Variants in NEURL1B observed in about 807,000 individuals in gnomAD.
NEURL1B encodes the protein neuralized E3 ubiquitin protein ligase 1B, also known as E3 ubiquitin-protein ligase NEURL1B.
In NEURL1B, 13 loss-of-function variants were observed where a neutral mutation model predicts 37.4. That is an observed-to-expected ratio of 0.35 (90% CI 0.23 to 0.55). The LOEUF (loss-of-function observed/expected upper bound fraction) is 0.55. NEURL1B is among the 20% of genes least tolerant of loss of function. The pLI is 0.89. For synonymous variants in NEURL1B, 432 were observed against 426.6 expected, an observed-to-expected ratio of 1.01 and a Z score of -0.16; for missense variants, 790 against 879.2, an observed-to-expected ratio of 0.90 and a Z score of 1.28.
chr5:172,641,550 C>A lies in NEURL1B; in HGVS notation c.31+113C>A, dbSNP rs113111778. On this transcript the variant is annotated intron_variant, in intron 1 of 4. Transcript: ENST00000369800. This position sits in a 1 kb window ranked among gnomAD's most constrained non-coding sequence, Gnocchi z 6.4. Reference sequence around the variant, plus strand: ...GGCCCTTGGAGCCCTCGGCTCGCAGCGGGCTGGAGTCTCCGGTACCTCCCG... The same window carrying A: ...GGCCCTTGGAGCCCTCGGCTCGCAGAGGGCTGGAGTCTCCGGTACCTCCCG... 1.1e-4 allele frequency: 104 copies of A among 933,864 alleles called. No homozygotes were observed. The highest frequency in any genetic ancestry group is 3.8e-4 in the Middle Eastern group (1 of 2,658). The allele number at this position is 933,864 out of a possible 1,614,324, so 57.8% of individuals were successfully genotyped here.
In NEURL1B at chr5:172,688,242, G is replaced by A. The variant is rs1476508689; in HGVS notation, c.*1317G>A. On this transcript the variant is annotated 3_prime_UTR_variant, in exon 5 of 5. Transcript: ENST00000369800. This position sits in a 1 kb window ranked among gnomAD's most constrained non-coding sequence, Gnocchi z 4.3. ...CTGGGCTCCACCTCTGCCCTCTTCTGTGCTGTCCCATTAGGGAAGTCCCTT... is the reference window on the plus strand; with the variant it reads ...CTGGGCTCCACCTCTGCCCTCTTCTATGCTGTCCCATTAGGGAAGTCCCTT... 6.5e-6 allele frequency: 1 copy of A among 152,942 alleles called. No individual in the cohort carries two copies. Among genetic ancestry groups the A allele is most frequent in the Non-Finnish European group, 1.5e-5 (1 of 68,308 alleles). 9.5% of individuals were successfully genotyped at this position (152,942 alleles called of 1,614,324 possible).
intron 2 of NEURL1B, among the ~76,000 whole-genome samples, chr5:172,671,206 C>G (rs1439555180): frequency 2.0e-5 from 3 of 152,174 alleles, no homozygotes; most frequent in Non-Finnish European, 2.9e-5. Context: ...TCCCCTCGCT[C>G]CAGCCCCGGC....
At position 172,647,275 on chromosome 5, in the gene NEURL1B, C is replaced by T. The variant is rs78925992; in HGVS notation, c.31+5838C>T. Reference sequence around the variant, plus strand: ...AGAGGGAGGGCGCCAGGTCGCAGCCCGACAGGTAGCACACGCTCACCTGGG... The same window carrying T: ...AGAGGGAGGGCGCCAGGTCGCAGCCTGACAGGTAGCACACGCTCACCTGGG... On this transcript the variant is annotated intron_variant, in intron 1 of 4. Coordinates refer to ENST00000369800, the MANE Select transcript of NEURL1B (RefSeq NM_001142651.3). This position sits in a 1 kb window ranked among gnomAD's most constrained non-coding sequence, Gnocchi z 4.2. Among the ~76,000 whole-genome samples, 1,518 of 152,198 alleles carry T rather than the reference C, an allele frequency of 1.0e-2. 20 individuals carry two copies. Among genetic ancestry groups the T allele is most frequent in the African/African-American group, 0.034 (1,402 of 41,500 alleles).
intron 2 of NEURL1B, among the ~76,000 whole-genome samples, chr5:172,672,775 C>T (rs6556041): frequency 0.21 from 31,214 of 151,878 alleles, 4,411 homozygotes; most frequent in African/African-American, 0.41. Flanking sequence ...TAATCTGCCT[C>T]ATATGATCTG....
In NEURL1B at chr5:172,661,575, A is replaced by G. The variant is rs1425041942; in HGVS notation, c.32-8210A>G. Among the ~76,000 whole-genome samples, 2 of 152,230 alleles carry G rather than the reference A, an allele frequency of 1.3e-5. No homozygotes were observed. Among genetic ancestry groups the G allele is most frequent in the African/African-American group, 4.8e-5 (2 of 41,468 alleles). ...TTAAACCCAATAAACCAAGACATGT[A>G]CCCACTACATAGCAGAGGCCCAGTG... On this transcript the variant is annotated intron_variant, in intron 1 of 4. Transcript: ENST00000369800. This position sits in a 1 kb window ranked among gnomAD's most constrained non-coding sequence, Gnocchi z 4.0.
intron 1 of NEURL1B, among the ~76,000 whole-genome samples, chr5:172,663,063 T>TAATAATAATAATAATAATAATAATAATA (rs1757933832): frequency 1.3e-5 from 2 of 151,472 alleles, no homozygotes; most frequent in Admixed American, 6.6e-5. Context: ...CAAATAATAA[T>TAATAATAATAATAATAATAATAATAATA]AATAGCCGGG....
intron 2 of NEURL1B, among the ~76,000 whole-genome samples, chr5:172,672,347 T>C (rs1416351515): frequency 6.6e-6 from 1 of 152,190 alleles, no homozygotes; most frequent in East Asian, 1.9e-4. Flanking sequence ...TTTTTGGAGC[T>C]CTTTTTTCCT....
Position 172,659,513 on chromosome 5 carries a change from A to G in NEURL1B, c.32-10272A>G, listed in dbSNP as rs112690631. 8.0e-3 allele frequency among the ~76,000 whole-genome samples: 1,225 copies of G among 152,290 alleles called. 8 individuals carry two copies. Among genetic ancestry groups the G allele is most frequent in the Non-Finnish European group, 0.012 (810 of 68,006 alleles). On this transcript the variant is annotated intron_variant, in intron 1 of 4. Coordinates refer to ENST00000369800, the MANE Select transcript of NEURL1B (RefSeq NM_001142651.3). ...ATGTCAGCCGTTGGAAGAGACATTC[A>G]AAACCTGGACTGTTTTCTTACTCCT...
intron 1 of NEURL1B, among the ~76,000 whole-genome samples, chr5:172,654,927 T>C (rs1226716544): frequency 6.6e-6 from 1 of 152,188 alleles, no homozygotes; most frequent in African/African-American, 2.4e-5. Context: ...TAACTACTTG[T>C]ATATCTCTCC....
chr5:172,686,052 A>C lies in NEURL1B; in HGVS notation c.1298-119A>C. 1 of 1,219,130 alleles carries C rather than the reference A, an allele frequency of 8.2e-7. No homozygotes were observed. The allele number at this position is 1,219,130 out of a possible 1,614,324, so 75.5% of individuals were successfully genotyped here. ...CTTCACTCCTCAGCAGAACCCTGGG[A>C]GATACCTCTGGTCCTCTCGTTAGAC... On this transcript the variant is annotated intron_variant, in intron 3 of 4. Transcript: ENST00000369800. This position sits in a 1 kb window ranked among gnomAD's most constrained non-coding sequence, Gnocchi z 7.9.
chr5:172,651,072 G>A (rs1217293156), intron 1 of NEURL1B, among the ~76,000 whole-genome samples: 1 of 152,184 alleles, frequency 6.6e-6, no homozygotes, highest in African/African-American at 2.4e-5. Context: ...GCTTTACGAG[G>A]AAGTTTAAAA....
At position 172,669,827 on chromosome 5, in the gene NEURL1B, G is replaced by T; in HGVS notation, c.74G>T (p.Cys25Phe). Reference protein sequence around the residue: ...PARLLATRPCCGPGPERRPVL... With the variant: ...PARLLATRPCFGPGPERRPVL... ...CGCCTCCTGGCCACCCGGCCGTGCT[G>T]CGGCCCCGGCCCCGAGCGACGCCCG... The change falls in exon 2 of 5, where the codon TGC (cysteine) becomes TTC (phenylalanine). Residue 25 changes from cysteine (C) to phenylalanine (F), a missense_variant. Physicochemically the swap from Cys to Phe is radical, Grantham distance 205 (BLOSUM62 -2). This residue lies in a region of NEURL1B where 215 missense variants were observed against 309.2 expected (regional missense o/e 0.70). Coordinates refer to ENST00000369800, the MANE Select transcript of NEURL1B (RefSeq NM_001142651.3). 7.6e-7 allele frequency: 1 copy of T among 1,321,480 alleles called. No homozygotes were observed. 81.9% of individuals were successfully genotyped at this position (1,321,480 alleles called of 1,614,324 possible).
In NEURL1B at chr5:172,684,099, G is replaced by A. The variant is rs557729030; in HGVS notation, c.1258G>A (p.Ala420Thr). The A allele has an allele frequency of 2.4e-6, 3 of 1,272,426 alleles. No individual in the cohort carries two copies. Among genetic ancestry groups the A allele is most frequent in the South Asian group, 4.9e-5 (2 of 40,816 alleles). The allele number at this position is 1,272,426 out of a possible 1,614,324, so 78.8% of individuals were successfully genotyped here. The change falls in exon 3 of 5, where the codon GCC becomes ACC. Residue 420 changes from alanine (A) to threonine (T), a missense_variant. Physicochemically the swap from Ala to Thr is moderately conservative, Grantham distance 58. Transcript: ENST00000369800. ...CACGCAGGCGCTCTGGGCCTTCTTC[G>A]CCGTGCGCGGCGGCGTCGCGGGCCA... is the stretch of plus-strand genomic sequence containing the variant. ...DTTQALWAFF[A>T]VRGGVAGQLR... is the part of the protein sequence containing the mutation.
At chr5:172,646,670 A>G (rs1326683474) in intron 1 of NEURL1B, among the ~76,000 whole-genome samples, 2 of 152,204 alleles carry the variant, frequency 1.3e-5, no homozygotes, top group South Asian at 4.1e-4. Context: ...CGACAAAGAC[A>G]CAGCAGTTAC....
chr5:172,687,047 GGT>G lies in NEURL1B; in HGVS notation c.*126_*127del. 8.3e-7 allele frequency: 1 copy of G among 1,205,592 alleles called. No homozygotes were observed. The highest frequency in any genetic ancestry group is 1.1e-6 in the Non-Finnish European group (1 of 880,528). 74.7% of individuals were successfully genotyped at this position (1,205,592 alleles called of 1,614,324 possible). On this transcript the variant is annotated 3_prime_UTR_variant, in exon 5 of 5. Coordinates refer to ENST00000369800, the MANE Select transcript of NEURL1B (RefSeq NM_001142651.3). ...CGGCCATCTCTCCAGTGGTGGGCAAGGTGTGACAGTCGTGGAGCGAGGCCCAC... is the reference window on the plus strand; with the variant it reads ...CGGCCATCTCTCCAGTGGTGGGCAAGGTGACAGTCGTGGAGCGAGGCCCAC...
Position 172,656,881 on chromosome 5 carries a change from C to T in NEURL1B, c.32-12904C>T, listed in dbSNP as rs578209904. The stretch of plus-strand genomic sequence containing the variant: ...AGTCCCTCCCTCCCTCATGGGGCTG[C>T]GATGATGAATAAATAGGAGATTCTA... On this transcript the variant is annotated intron_variant, in intron 1 of 4. Coordinates refer to ENST00000369800, the MANE Select transcript of NEURL1B (RefSeq NM_001142651.3). Among the ~76,000 whole-genome samples the T allele has an allele frequency of 5.9e-5, 9 of 152,228 alleles. No homozygotes were observed. The South Asian group carries it at 1.0e-3, about 18-fold the overall frequency.
At position 172,650,407 on chromosome 5, in the gene NEURL1B, C is replaced by T. The variant is rs571687394; in HGVS notation, c.31+8970C>T. Among the ~76,000 whole-genome samples the T allele has an allele frequency of 6.6e-5, 10 of 152,270 alleles. No individual in the cohort carries two copies. The South Asian group carries it at 1.7e-3, about 25-fold the overall frequency. ...ACCAGAGGGTGCTCAGAATCCCTGT[C>T]CCAGCTCCCACGTGGCAGATGGGGA... On this transcript the variant is annotated intron_variant, in intron 1 of 4. Coordinates refer to ENST00000369800, the MANE Select transcript of NEURL1B (RefSeq NM_001142651.3).
rs116379728 is a variant in NEURL1B, at chr5:172,679,081, C to T, written c.578-4338C>T. Among the ~76,000 whole-genome samples, 1,037 of 152,332 alleles carry T rather than the reference C, an allele frequency of 6.8e-3. 15 individuals are homozygous for T. Among genetic ancestry groups the T allele is most frequent in the African/African-American group, 0.024 (1,001 of 41,590 alleles). ...GGCAGGGAGGCGGGGACATTAGGCC[C>T]GTGGAGACTGAAACTCCAACTTTGG... On this transcript the variant is annotated intron_variant, in intron 2 of 4. Coordinates refer to ENST00000369800, the MANE Select transcript of NEURL1B (RefSeq NM_001142651.3).
intron 1 of NEURL1B, among the ~76,000 whole-genome samples, chr5:172,648,061 G>A (rs1333003128): frequency 1.3e-5 from 2 of 152,182 alleles, no homozygotes; most frequent in Admixed American, 1.3e-4. Flanking sequence ...TGTCCTGCAG[G>A]TGAGAAGTGT....
Sources: gnomAD v4.1 joint callset for allele counts (sites outside exome capture counted in the v4.1 genomes callset) on GRCh38, gnomAD v4.1.1 for gene constraint, gnomAD v4.1.1 regional missense constraint, Gnocchi (gnomAD v3.1) non-coding constraint, MANE v1.5 for transcripts, NCBI Gene and HGNC (gene_info 2026-07-23, HGNC 2026-07-21) for gene names.